The following TIAM1 variants were observed in gnomAD, a reference collection of about 807,000 sequenced individuals.
The protein encoded by TIAM1 is TIAM Rac1 associated GEF 1, also known as rho guanine nucleotide exchange factor TIAM1.
A neutral mutation model predicts 163.5 loss-of-function variants in TIAM1; 65 were observed. The ratio of observed to expected loss-of-function variants is 0.40; its 90% CI spans 0.33 to 0.49. TIAM1 has a LOEUF of 0.49. Among genes scored for constraint, TIAM1 ranks in the 20% least tolerant of loss-of-function variants. The pLI is 0.77. For missense variants in TIAM1, 1,789 were observed against 2,044.7 expected (o/e 0.87, Z 2.41); for synonymous variants, 833 against 810.1 (o/e 1.03, Z -0.48).
chr21:31,462,141 A>C (rs2045351109), intron 2 of TIAM1, among the ~76,000 whole-genome samples: 1 of 152,220 alleles, frequency 6.6e-6, no homozygotes, highest in Non-Finnish European at 1.5e-5. Context: ...TTTTAAAATA[A>C]AGGGCCAAAT....
intron 1 of TIAM1, among the ~76,000 whole-genome samples, chr21:31,340,802 A>C (rs1341900348): frequency 1.3e-5 from 2 of 152,156 alleles, no homozygotes; most frequent in Non-Finnish European, 2.9e-5. Flanking sequence ...GGCAAAAAAA[A>C]AGGAAAGAAA....
chr21:31,217,229 C>A (rs891945909), intron 9 of TIAM1, among the ~76,000 whole-genome samples: 3 of 151,806 alleles, frequency 2.0e-5, no homozygotes, highest in Non-Finnish European at 4.4e-5. Flanking sequence ...AGACTGCACT[C>A]AGGTACCCAC....
At chr21:31,257,686 C>G (rs1357956044) in intron 4 of TIAM1, among the ~76,000 whole-genome samples, 1 of 152,302 alleles carries the variant, frequency 6.6e-6, no homozygotes, top group Admixed American at 6.5e-5. Context: ...ACTCCTCAGA[C>G]TGCTGTTCAA....
At chr21:31,520,140 G>A (rs545782866) in intron 1 of TIAM1, among the ~76,000 whole-genome samples, 3 of 152,154 alleles carry the variant, frequency 2.0e-5, no homozygotes, top group Non-Finnish European at 4.4e-5. Flanking sequence ...AGACCAGCCT[G>A]ACCAACATGG....
chr21:31,370,750 A>G (rs1040002034), intron 2 of TIAM1, among the ~76,000 whole-genome samples: 1 of 152,238 alleles, frequency 6.6e-6, no homozygotes, highest in African/African-American at 2.4e-5. Context: ...TTGTTTGGAC[A>G]GTGGACTGTT....
At chr21:31,191,870 G>A (rs1387182483) in intron 13 of TIAM1, among the ~76,000 whole-genome samples, 1 of 152,180 alleles carries the variant, frequency 6.6e-6, no homozygotes, top group South Asian at 2.1e-4. Flanking sequence ...AATCTTAGAA[G>A]CAGAGTCCAA....
chr21:31,359,668 A>G (rs9976871), intron 2 of TIAM1, among the ~76,000 whole-genome samples: 31,308 of 151,836 alleles, frequency 0.21, 3,325 homozygotes, highest in Middle Eastern at 0.33. Flanking sequence ...GGGTGCCTGT[A>G]ATCCTAGCTA....
At chr21:31,315,328 C>T (rs1569207667) in intron 2 of TIAM1, among the ~76,000 whole-genome samples, 4 of 151,994 alleles carry the variant, frequency 2.6e-5, no homozygotes. Flanking sequence ...TCCTGGCTAA[C>T]ACGGTGAAAC....
intron 10 of TIAM1, 82 bp from the exon 11 acceptor site, chr21:31,210,297 C>G: frequency 2.1e-6 from 3 of 1,455,548 alleles, no homozygotes; most frequent in Non-Finnish European, 2.8e-6. Context: ...ACAGGAATCA[C>G]CGATTCCCAT....
chr21:31,419,966 T>C (rs1360802677), intron 2 of TIAM1, among the ~76,000 whole-genome samples: 4 of 152,176 alleles, frequency 2.6e-5, no homozygotes, highest in Admixed American at 1.3e-4. Context: ...GGAGAATCGC[T>C]TGAACCCGAG....
In TIAM1 at chr21:31,124,400, C is replaced by T. The variant is rs1350006635; in HGVS notation, c.4306+122G>A. ...AACCTCACACCAGGGAAAAACCGTC[C>T]TCCTACATCAGCCCCCACCAGGCCA... On this transcript the variant is annotated intron_variant, in intron 27 of 27. Coordinates refer to ENST00000541036, the MANE Select transcript of TIAM1 (RefSeq NM_001353694.2). 4.3e-6 allele frequency: 6 copies of T among 1,392,856 alleles called. No homozygotes were observed. The East Asian group carries it at 1.6e-4, about 37-fold the overall frequency. 86.3% of individuals were successfully genotyped at this position (1,392,856 alleles called of 1,614,324 possible). A position where few individuals can be genotyped will look rare whatever the true frequency, so the allele number is the denominator to read the frequency against.
intron 2 of TIAM1, among the ~76,000 whole-genome samples, chr21:31,416,645 A>T (rs1040050600): frequency 6.6e-6 from 1 of 152,204 alleles, no homozygotes; most frequent in Non-Finnish European, 1.5e-5. Context: ...CGCAACAGAC[A>T]TGATTTCATT....
intron 1 of TIAM1, among the ~76,000 whole-genome samples, chr21:31,541,227 C>T (rs929477168): frequency 3.3e-5 from 5 of 152,124 alleles, no homozygotes; most frequent in African/African-American, 7.2e-5. Flanking sequence ...GAGGCTGAGG[C>T]GGGCAGATCA....
chr21:31,558,290 G>A (rs892392226), intron 1 of TIAM1, among the ~76,000 whole-genome samples: 1 of 152,252 alleles, frequency 6.6e-6, no homozygotes, highest in Non-Finnish European at 1.5e-5. Flanking sequence ...ATGAGGCATT[G>A]TCTGCGCACC....
At chr21:31,445,290 C>A (rs1023975281) in intron 2 of TIAM1, among the ~76,000 whole-genome samples, 8 of 152,094 alleles carry the variant, frequency 5.3e-5, no homozygotes, top group Non-Finnish European at 7.3e-5. Flanking sequence ...TTACTGTGCC[C>A]CTGCTGGCTT....
chr21:31,425,675 T>C (rs2043766490), intron 2 of TIAM1, among the ~76,000 whole-genome samples: 1 of 140,828 alleles, frequency 7.1e-6, no homozygotes, highest in African/African-American at 2.7e-5. Context: ...CTCTCTTTCT[T>C]TCTCTCTCTC....
chr21:31,246,605 C>A (rs1392574910), intron 5 of TIAM1, among the ~76,000 whole-genome samples: 1 of 152,158 alleles, frequency 6.6e-6, no homozygotes, highest in Non-Finnish European at 1.5e-5. Flanking sequence ...ACTGCACAAC[C>A]CTTGAAAGTT....
intron 27 of TIAM1, among the ~76,000 whole-genome samples, chr21:31,122,600 A>C (rs910568534): frequency 6.6e-6 from 1 of 152,228 alleles, no homozygotes; most frequent in Non-Finnish European, 1.5e-5. Flanking sequence ...GCTCTTCTAT[A>C]AGTTTAAACA....
intron 20 of TIAM1, among the ~76,000 whole-genome samples, chr21:31,143,262 T>TC (rs1568908193): frequency 6.6e-6 from 1 of 152,056 alleles, no homozygotes; most frequent in African/African-American, 2.4e-5. Context: ...TGGATGACTT[T>TC]CCCCCATTGG....
Sources: allele counts gnomAD v4.1 joint callset (sites outside exome capture counted in the v4.1 genomes callset), GRCh38; gene constraint gnomAD v4.1.1; transcripts MANE v1.5; gene names NCBI Gene and HGNC (gene_info 2026-07-23, HGNC 2026-07-21).